Variants in GRIA4 observed in about 807,000 individuals in gnomAD.
GRIA4 encodes the protein glutamate ionotropic receptor AMPA type subunit 4.
GRIA4 carries 34 observed loss-of-function variants against 104.0 expected under a neutral mutation model. That is an observed-to-expected ratio of 0.33 (90% CI 0.25 to 0.44). The LOEUF is 0.44. Ranked by LOEUF, GRIA4 falls within the 20% of genes least tolerant of loss-of-function variation. GRIA4 has a pLI of 1.00. For missense variants in GRIA4, 750 were observed against 1,096.5 expected (o/e 0.68, Z 4.46); for synonymous variants, 386 against 381.9 (o/e 1.01, Z -0.13).
At chr11:105,938,544 T>C (rs375950604) in intron 14 of GRIA4, among the ~76,000 whole-genome samples, 11 of 152,182 alleles carry the variant, frequency 7.2e-5, no homozygotes, top group African/African-American at 2.4e-4. Flanking sequence ...AAAAGAGATA[T>C]ATCTTTGCTT....
At chr11:105,909,833 C>T (rs597023) in intron 9 of GRIA4, among the ~76,000 whole-genome samples, 1 of 152,186 alleles carries the variant, frequency 6.6e-6, no homozygotes, top group African/African-American at 2.4e-5. Context: ...AAATGAAAAA[C>T]ATACAAATTT....
At position 105,979,626 on chromosome 11, in the gene GRIA4, A is replaced by T; in HGVS notation, c.2596A>T (p.Ser866Cys). ...CAAAGCCAGATTATCCATCACTGGG[A>T]GTGTGGGAGAGAATGGCCGCGTCTT... ...RNKARLSITGSVGENGRVLTP... is the reference protein window; with the variant it reads ...RNKARLSITGCVGENGRVLTP... Residue 866 changes from serine (S) to cysteine (C), a missense_variant, in exon 17 of 17, where the codon AGT becomes TGT. Transcript: ENST00000282499. 1 of 1,613,880 alleles carries T rather than the reference A, an allele frequency of 6.2e-7. No individual in the cohort carries two copies. Among genetic ancestry groups the T allele is most frequent in the Non-Finnish European group, 8.5e-7 (1 of 1,179,736 alleles).
chr11:105,943,921 A>C (rs1277219869), intron 14 of GRIA4, among the ~76,000 whole-genome samples: 1 of 152,138 alleles, frequency 6.6e-6, no homozygotes, highest in Non-Finnish European at 1.5e-5. Flanking sequence ...CATAGATAAA[A>C]GGGCTGGTTT....
At chr11:105,943,218 AT>A (rs1325763616) in intron 14 of GRIA4, among the ~76,000 whole-genome samples, 1 of 152,140 alleles carries the variant, frequency 6.6e-6, no homozygotes, top group African/African-American at 2.4e-5. Context: ...ATGGAAAACT[AT>A]TTAAGGAAAG....
At chr11:105,721,764 G>T (rs1200867295) in intron 3 of GRIA4, among the ~76,000 whole-genome samples, 1 of 152,098 alleles carries the variant, frequency 6.6e-6, no homozygotes, top group East Asian at 1.9e-4. Flanking sequence ...TCCCACAGCA[G>T]GGTAAATCTC....
chr11:105,719,334 C>A (rs954972466), intron 3 of GRIA4, among the ~76,000 whole-genome samples: 1 of 152,070 alleles, frequency 6.6e-6, no homozygotes, highest in Non-Finnish European at 1.5e-5. Context: ...GTCCCACGAG[C>A]GGCTGGCTAT....
At chr11:105,692,830 T>C (rs1953137391) in intron 3 of GRIA4, among the ~76,000 whole-genome samples, 1 of 152,186 alleles carries the variant, frequency 6.6e-6, no homozygotes, top group African/African-American at 2.4e-5. Flanking sequence ...CACTAACTCA[T>C]AGTATACTTT....
At chr11:105,686,560 A>G (rs1952889628) in intron 3 of GRIA4, among the ~76,000 whole-genome samples, 1 of 152,156 alleles carries the variant, frequency 6.6e-6, no homozygotes, top group Non-Finnish European at 1.5e-5. Context: ...TTTTTGGTAG[A>G]ACAATTTGTT....
At chr11:105,859,802 T>C (rs1001494533) in intron 4 of GRIA4, among the ~76,000 whole-genome samples, 2 of 152,134 alleles carry the variant, frequency 1.3e-5, no homozygotes, top group Admixed American at 6.5e-5. Flanking sequence ...AATACGTCAA[T>C]TGGTATTTTT....
chr11:105,730,338 T>C (rs1484502662), intron 3 of GRIA4, among the ~76,000 whole-genome samples: 2 of 152,148 alleles, frequency 1.3e-5, no homozygotes, highest in Admixed American at 1.3e-4. Flanking sequence ...GAAGAATCTC[T>C]TCTAGGAGAA....
At chr11:105,903,631 T>C (rs1156634841) in intron 7 of GRIA4, among the ~76,000 whole-genome samples, 183 bp from the exon 8 acceptor site, 1 of 152,228 alleles carries the variant, frequency 6.6e-6, no homozygotes, top group East Asian at 1.9e-4. Flanking sequence ...AGATTTGGTA[T>C]ACAGGCTTTA....
intron 3 of GRIA4, among the ~76,000 whole-genome samples, chr11:105,616,952 G>A (rs758734691): frequency 7.3e-5 from 11 of 151,374 alleles, no homozygotes; most frequent in Non-Finnish European, 1.5e-4. Context: ...TCTTTCTTAA[G>A]TGATAGGATG....
At chr11:105,941,384 C>T (rs1948176744) in intron 14 of GRIA4, among the ~76,000 whole-genome samples, 3 of 152,190 alleles carry the variant, frequency 2.0e-5, no homozygotes, top group South Asian at 4.1e-4. Context: ...TAACATCACA[C>T]AATTCAAAAA....
At chr11:105,951,356 C>G (rs1042935159) in intron 14 of GRIA4, among the ~76,000 whole-genome samples, 1 of 152,168 alleles carries the variant, frequency 6.6e-6, no homozygotes, top group Non-Finnish European at 1.5e-5. Flanking sequence ...ATTTTACCTA[C>G]TTTAAAGCAA....
At chr11:105,896,117 G>A (rs751740708) in intron 6 of GRIA4, among the ~76,000 whole-genome samples, 19 of 152,140 alleles carry the variant, frequency 1.2e-4, no homozygotes, top group Admixed American at 2.0e-4. Context: ...TTAAATAATA[G>A]CCATTCTGAC....
intron 4 of GRIA4, among the ~76,000 whole-genome samples, chr11:105,833,872 A>G (rs1216262497): frequency 2.0e-5 from 3 of 151,970 alleles, no homozygotes; most frequent in African/African-American, 7.2e-5. Context: ...TGTTATATTC[A>G]TATTGTTTTT....
In GRIA4 at chr11:105,981,553, TCACA is replaced by T. The variant is rs112786972; in HGVS notation, c.*1849_*1852del. The T allele has an allele frequency of 1.1e-3, 154 of 134,084 alleles. No individual in the cohort carries two copies. The highest frequency in any genetic ancestry group is 3.4e-3 in the African/African-American group (119 of 34,846). The allele number at this position is 134,084 out of a possible 1,614,324, so 8.3% of individuals were successfully genotyped here. A position where few individuals can be genotyped will look rare whatever the true frequency, so the allele number is the denominator to read the frequency against. ...TAAGAGCAATCTTAAACAGTATAAA[TCACA>T]CACACACACACACACACACACACAC... On this transcript the variant is annotated 3_prime_UTR_variant, in exon 17 of 17. Coordinates refer to ENST00000282499, the MANE Select transcript of GRIA4 (RefSeq NM_000829.4).
chr11:105,849,414 A>C (rs954892206), intron 4 of GRIA4, among the ~76,000 whole-genome samples: 4 of 152,170 alleles, frequency 2.6e-5, no homozygotes, highest in Non-Finnish European at 5.9e-5. Context: ...GGAGACACCT[A>C]GTGTAACCTC....
intron 3 of GRIA4, among the ~76,000 whole-genome samples, chr11:105,700,126 G>A (rs577156303): frequency 5.3e-5 from 8 of 152,272 alleles, no homozygotes; most frequent in African/African-American, 1.7e-4. Context: ...GGTAATACAC[G>A]AAGAGTGCAC....
Sources: gnomAD v4.1 joint callset for allele counts (sites outside exome capture counted in the v4.1 genomes callset) on GRCh38, gnomAD v4.1.1 for gene constraint, MANE v1.5 for transcripts, NCBI Gene and HGNC (gene_info 2026-07-23, HGNC 2026-07-21) for gene names.